Variants in FGG observed in about 807,000 individuals in gnomAD.
The protein encoded by FGG is fibrinogen, gamma polypeptide.
Under a neutral mutation model 51.7 loss-of-function variants are expected in FGG, and 20 were observed. The observed-to-expected ratio is 0.39, with a 90% CI of 0.27 to 0.56. The LOEUF (loss-of-function observed/expected upper bound fraction) is 0.56. FGG is among the 20% of genes least tolerant of loss of function. The probability of loss-of-function intolerance (pLI) is 0.64; values close to 1 mark genes in which losing one functional copy is unlikely to be tolerated. For missense variants in FGG, 460 were observed against 534.2 expected (o/e 0.86, Z 1.37); for synonymous variants, 184 against 184.7 (o/e 1.00, Z 0.03).
chr4:154,606,486 A>T (rs1350690096), intron 8 of FGG, among the ~76,000 whole-genome samples: 1 of 152,206 alleles, frequency 6.6e-6, no homozygotes, highest in Non-Finnish European at 1.5e-5. Flanking sequence ...AAACTACTGG[A>T]TATTTTGCAG....
chr4:154,607,021 C>A (rs747629374), intron 7 of FGG, 39 bp from the exon 8 acceptor site: 2 of 1,518,950 alleles, frequency 1.3e-6, no homozygotes, highest in East Asian at 4.5e-5. Context: ...TGCTGACCCT[C>A]CTCAGGGATC....
At position 154,608,696 on chromosome 4, in the gene FGG, T is replaced by C. The variant is rs774452777; in HGVS notation, c.667-46A>G. ...GCAAAAGGAGAAAATAGACTATCAA[T>C]GCATGTAAAGAGAATGCTGTCAACA... On this transcript the variant is annotated intron_variant, in intron 6 of 8. Coordinates refer to ENST00000336098, the MANE Select transcript of FGG (RefSeq NM_021870.3). The C allele has an allele frequency of 2.0e-6, 3 of 1,528,920 alleles. No individual in the cohort carries two copies. The South Asian group carries it at 3.4e-5, about 17-fold the overall frequency. 94.7% of individuals were successfully genotyped at this position (1,528,920 alleles called of 1,614,324 possible).
At chr4:154,607,778 A>T (rs2110843194) in intron 7 of FGG, among the ~76,000 whole-genome samples, 1 of 152,344 alleles carries the variant, frequency 6.6e-6, no homozygotes, top group East Asian at 1.9e-4. Context: ...GCAATAAAAA[A>T]AAGTCCATGT....
In FGG at chr4:154,608,547, T is replaced by G. The variant is rs757602733; in HGVS notation, c.770A>C (p.Glu257Ala). 2.5e-5 allele frequency: 41 copies of G among 1,613,742 alleles called. No homozygotes were observed. The highest frequency in any genetic ancestry group is 1.6e-4 in the Middle Eastern group (1 of 6,082). Residue 257 changes from glutamate to alanine, a missense_variant, in exon 7 of 9, where the codon GAG becomes GCG. By Grantham distance (107) the Glu-to-Ala change is moderately radical. Transcript: ENST00000336098. ...CTGTGTGCTTATCAAATGAATCTTCTCATTTCCCAGCCAAAATTCTGTTGT... is the reference window on the plus strand; with the variant it reads ...CTGTGTGCTTATCAAATGAATCTTCGCATTTCCCAGCCAAAATTCTGTTGT... Reference protein sequence around the residue: ...TGTTEFWLGNEKIHLISTQSA... With the variant: ...TGTTEFWLGNAKIHLISTQSA...
intron 5 of FGG, 99 bp from the exon 6 acceptor site, chr4:154,609,862 T>C: frequency 6.3e-7 from 1 of 1,575,290 alleles, no homozygotes; most frequent in Non-Finnish European, 8.7e-7. Context: ...CTATTCATTT[T>C]CCAAGAATAA....
At chr4:154,606,664 A>G in intron 8 of FGG, 41 bp downstream of exon 8, 1 of 1,590,254 alleles carries the variant, frequency 6.3e-7, no homozygotes, top group Non-Finnish European at 8.6e-7. Flanking sequence ...AAAATAGTAT[A>G]CACTATACAT....
chr4:154,604,438 TA>T lies in FGG; in HGVS notation c.*395del, dbSNP rs558604318. ...AAAGAAGAATTAAATAGGAATGATT[TA>T]GGGGTAATAAACAAGGAAAATACCT... On this transcript the variant is annotated 3_prime_UTR_variant, in exon 9 of 9. Coordinates refer to ENST00000336098, the MANE Select transcript of FGG (RefSeq NM_021870.3). 1.5e-4 allele frequency: 186 copies of T among 1,245,172 alleles called. No homozygotes were observed. In the East Asian group the frequency reaches 5.0e-3, roughly 34 times the overall value. The allele number at this position is 1,245,172 out of a possible 1,614,324, so 77.1% of individuals were successfully genotyped here. A position where few individuals can be genotyped will look rare whatever the true frequency, so the allele number is the denominator to read the frequency against.
In FGG at chr4:154,610,162, T is replaced by C; in HGVS notation, c.437A>G (p.Lys146Arg). The part of the protein sequence containing the change: ...LQEIYNSNNQ[K>R]IVNLKEKVAQ... Reference sequence around the variant, plus strand: ...TACCTTCTCTTTCAGGTTAACAATCTTTTGATTATTTGAATTATATATTTC... The same window carrying C: ...TACCTTCTCTTTCAGGTTAACAATCCTTTGATTATTTGAATTATATATTTC... Residue 146 changes from lysine (K) to arginine (R), a missense_variant, in exon 5 of 9, where the codon AAG (lysine) becomes AGG (arginine). This residue lies in a region of FGG where 353 missense variants were observed against 391.7 expected (regional missense o/e 0.90). Coordinates refer to ENST00000336098, the MANE Select transcript of FGG (RefSeq NM_021870.3). 6.3e-7 allele frequency: 1 copy of C among 1,596,120 alleles called. No individual in the cohort carries two copies. The highest frequency in any genetic ancestry group is 2.2e-5 in the East Asian group (1 of 44,746).
At chr4:154,612,248 AAATC>A in intron 2 of FGG, 47 bp from the exon 3 acceptor site, 1 of 1,599,782 alleles carries the variant, frequency 6.3e-7, no homozygotes, top group Non-Finnish European at 8.6e-7. Flanking sequence ...GCTACTCTTA[AAATC>A]TATTAAGAAA....
At position 154,604,705 on chromosome 4, in the gene FGG, A is replaced by G. The variant is rs985224249; in HGVS notation, c.*129T>C. On this transcript the variant is annotated 3_prime_UTR_variant, in exon 9 of 9. Transcript: ENST00000336098. ...GAAATACAGTCCTAAATGAGTTTTAATTTCCATTGAAGGCTAAATGTCCTT... is the reference window on the plus strand; with the variant it reads ...GAAATACAGTCCTAAATGAGTTTTAGTTTCCATTGAAGGCTAAATGTCCTT... 72 of 1,501,124 alleles carry G rather than the reference A, an allele frequency of 4.8e-5. No homozygotes were observed. Among genetic ancestry groups the G allele is most frequent in the Non-Finnish European group, 6.4e-5 (72 of 1,129,672 alleles). The allele number at this position is 1,501,124 out of a possible 1,614,324, so 93.0% of individuals were successfully genotyped here. A position where few individuals can be genotyped will look rare whatever the true frequency, so the allele number is the denominator to read the frequency against.
intron 5 of FGG, 146 bp from the exon 6 acceptor site, chr4:154,609,909 G>C (rs1731170940): frequency 6.7e-7 from 1 of 1,499,958 alleles, no homozygotes; most frequent in Middle Eastern, 1.7e-4. Flanking sequence ...CTTTTAAACT[G>C]TTTTTTTTAG....
At chr4:154,610,260 A>T (rs1489859194) in intron 4 of FGG, 63 bp from the exon 5 acceptor site, 45 of 1,307,426 alleles carry the variant, frequency 3.4e-5, no homozygotes, top group Admixed American at 1.1e-4. Flanking sequence ...CTTTCAGAAG[A>T]GTAATTTTAT....
intron 7 of FGG, 127 bp from the exon 8 acceptor site, chr4:154,607,109 G>A (rs1318744254): frequency 5.6e-6 from 7 of 1,253,540 alleles, no homozygotes; most frequent in Non-Finnish European, 6.5e-6. Flanking sequence ...TGCTCATTGA[G>A]TGAAGTTTTT....
chr4:154,609,045 C>T (rs567464475), intron 6 of FGG, among the ~76,000 whole-genome samples: 7 of 152,216 alleles, frequency 4.6e-5, no homozygotes, highest in African/African-American at 7.2e-5. Flanking sequence ...TCCCTCTGAG[C>T]GCCCCCTGTA....
rs1409079730 is a variant in FGG, at chr4:154,604,633, T to A, written c.*201A>T. The A allele has an allele frequency of 7.5e-7, 1 of 1,329,444 alleles. No homozygotes were observed. Among genetic ancestry groups the A allele is most frequent in the Non-Finnish European group, 9.8e-7 (1 of 1,018,668 alleles). The allele number at this position is 1,329,444 out of a possible 1,614,324, so 82.4% of individuals were successfully genotyped here. On this transcript the variant is annotated 3_prime_UTR_variant, in exon 9 of 9. Coordinates refer to ENST00000336098, the MANE Select transcript of FGG (RefSeq NM_021870.3). ...ATTTAGGAACAAAGTTGAAATGTTA[T>A]CTCCTCAAATAAACAATTTTTAAAT...
In FGG at chr4:154,604,598, A is replaced by G. The variant is rs1322636682; in HGVS notation, c.*236T>C. 4.9e-6 allele frequency: 6 copies of G among 1,228,586 alleles called. No individual in the cohort carries two copies. Among genetic ancestry groups the G allele is most frequent in the Non-Finnish European group, 6.4e-6 (6 of 937,838 alleles). The allele number at this position is 1,228,586 out of a possible 1,614,324, so 76.1% of individuals were successfully genotyped here. On this transcript the variant is annotated 3_prime_UTR_variant, in exon 9 of 9. Coordinates refer to ENST00000336098, the MANE Select transcript of FGG (RefSeq NM_021870.3). ...AAATGCAAATAAAGTCAATCATTTTATTATTATATATTTAGGAACAAAGTT... is the reference window on the plus strand; with the variant it reads ...AAATGCAAATAAAGTCAATCATTTTGTTATTATATATTTAGGAACAAAGTT...
intron 7 of FGG, 140 bp from the exon 8 acceptor site, chr4:154,607,122 C>A (rs1731114692): frequency 1.0e-6 from 1 of 1,000,148 alleles, no homozygotes; most frequent in East Asian, 2.5e-5. Flanking sequence ...AAGTTTTTTG[C>A]AAATCTGGCA....
At chr4:154,605,798 T>C (rs897941558) in intron 8 of FGG, among the ~76,000 whole-genome samples, 5 of 152,080 alleles carry the variant, frequency 3.3e-5, no homozygotes, top group Admixed American at 3.3e-4. Flanking sequence ...AGTTGGTGAT[T>C]GGCTAGGACA....
chr4:154,609,411 G>A (rs1731159872), intron 6 of FGG, among the ~76,000 whole-genome samples: 1 of 152,140 alleles, frequency 6.6e-6, no homozygotes, highest in Admixed American at 6.6e-5. Flanking sequence ...TTCAAATGCT[G>A]ACTCTGTTGC....
Sources: allele counts gnomAD v4.1 joint callset (sites outside exome capture counted in the v4.1 genomes callset), GRCh38; gene constraint gnomAD v4.1.1; regional missense constraint gnomAD v4.1.1; transcripts MANE v1.5; gene names NCBI Gene and HGNC (gene_info 2026-07-23, HGNC 2026-07-21).